Variants in DLG2 observed in about 807,000 individuals in gnomAD.
DLG2 encodes the protein discs large MAGUK scaffold protein 2, also known as disks large homolog 2.
Under a neutral mutation model 132.5 loss-of-function variants are expected in DLG2, and 45 were observed. The observed-to-expected ratio is 0.34, with a 90% CI of 0.27 to 0.44. DLG2 has a LOEUF of 0.44. DLG2 is among the 20% of genes least tolerant of loss of function. The pLI, the probability that DLG2 is intolerant of heterozygous loss-of-function variation, is 1.00. For synonymous variants in DLG2, 424 were observed against 419.6 expected (o/e 1.01, Z -0.13); for missense variants, 1,045 against 1,196.9 (o/e 0.87, Z 1.87).
At chr11:84,786,013 C>A (rs1326913262) in intron 6 of DLG2, among the ~76,000 whole-genome samples, 1 of 152,020 alleles carries the variant, frequency 6.6e-6, no homozygotes, top group Admixed American at 6.6e-5. Context: ...TATTTGGAAA[C>A]CACACTGGAA....
chr11:84,277,543 T>C (rs948054976), intron 7 of DLG2, among the ~76,000 whole-genome samples: 1 of 152,266 alleles, frequency 6.6e-6, no homozygotes, highest in African/African-American at 2.4e-5. Context: ...AACTACAATA[T>C]ATTGAATTTG....
intron 8 of DLG2, among the ~76,000 whole-genome samples, chr11:84,165,574 G>A (rs1284723601): frequency 6.6e-6 from 1 of 152,102 alleles, no homozygotes; most frequent in Non-Finnish European, 1.5e-5. Context: ...CAGGAGAGAT[G>A]ATGCCATCAA....
chr11:84,411,948 A>C (rs55997694), intron 7 of DLG2, among the ~76,000 whole-genome samples: 3 of 151,074 alleles, frequency 2.0e-5, no homozygotes, highest in Admixed American at 6.6e-5. Flanking sequence ...GATTGTGCCA[A>C]ATACTATGTA....
chr11:85,055,486 G>A (rs989973649), intron 6 of DLG2, among the ~76,000 whole-genome samples: 2 of 152,174 alleles, frequency 1.3e-5, no homozygotes, highest in Non-Finnish European at 2.9e-5. Flanking sequence ...TTAGAAGCTA[G>A]TGCTAAGCAA....
chr11:83,815,136 C>G (rs1283884559), intron 17 of DLG2: 1 of 154,138 alleles, frequency 6.5e-6, no homozygotes, highest in Non-Finnish European at 1.5e-5. Flanking sequence ...AAGTGTTTCA[C>G]CTTTTTCCTG....
chr11:84,385,759 T>C (rs896634491), intron 7 of DLG2, among the ~76,000 whole-genome samples: 10 of 152,194 alleles, frequency 6.6e-5, no homozygotes, highest in African/African-American at 2.4e-4. Flanking sequence ...TTGAGTCCAA[T>C]GGGAGCCTAC....
intron 2 of DLG2, among the ~76,000 whole-genome samples, chr11:85,609,685 G>C (rs2153267330): frequency 6.6e-6 from 1 of 152,282 alleles, no homozygotes; most frequent in Middle Eastern, 3.4e-3. Flanking sequence ...ACAGGACTGA[G>C]GGTGCCTGGG....
intron 3 of DLG2, among the ~76,000 whole-genome samples, chr11:85,440,614 A>C (rs912637937): frequency 2.6e-5 from 4 of 152,216 alleles, no homozygotes; most frequent in African/African-American, 9.6e-5. Flanking sequence ...TGTTTTTGAA[A>C]ATTCATTCCT....
intron 3 of DLG2, among the ~76,000 whole-genome samples, chr11:85,458,526 G>A (rs558997499): frequency 3.8e-4 from 58 of 152,216 alleles, no homozygotes; most frequent in African/African-American, 1.4e-3. Flanking sequence ...CAGAGTTCTC[G>A]CACTGGTTCT....
At chr11:85,144,369 A>G (rs562006157) in intron 5 of DLG2, among the ~76,000 whole-genome samples, 25 of 137,612 alleles carry the variant, frequency 1.8e-4, no homozygotes, top group Middle Eastern at 3.9e-3. Flanking sequence ...TTTTTTTATC[A>G]GTTTAGCCAC....
At chr11:84,067,325 C>T (rs974973218) in intron 10 of DLG2, among the ~76,000 whole-genome samples, 1 of 152,144 alleles carries the variant, frequency 6.6e-6, no homozygotes, top group Admixed American at 6.6e-5. Flanking sequence ...CAGAGCGAGA[C>T]ACCATCTCCA....
chr11:83,928,759 C>G (rs2079517579), intron 15 of DLG2, among the ~76,000 whole-genome samples: 1 of 152,208 alleles, frequency 6.6e-6, no homozygotes, highest in South Asian at 2.1e-4. Context: ...ATAATAACAT[C>G]TACCTCAAAA....
intron 6 of DLG2, among the ~76,000 whole-genome samples, chr11:84,903,941 C>A (rs537345115): frequency 6.6e-6 from 1 of 151,918 alleles, no homozygotes; most frequent in South Asian, 2.1e-4. Context: ...CCAGTTTTTT[C>A]AATAACATGA....
At chr11:85,583,958 T>G (rs899001582) in intron 3 of DLG2, among the ~76,000 whole-genome samples, 6 of 152,236 alleles carry the variant, frequency 3.9e-5, no homozygotes, top group African/African-American at 1.2e-4. Flanking sequence ...AACCCCTGGT[T>G]AATTGGGAAA....
chr11:84,711,591 C>T (rs977858510), intron 6 of DLG2, among the ~76,000 whole-genome samples: 3 of 151,816 alleles, frequency 2.0e-5, no homozygotes, highest in Non-Finnish European at 4.4e-5. Flanking sequence ...CCAGCAGGCT[C>T]AAAACCCAAA....
chr11:84,029,999 T>C (rs2095648644), intron 11 of DLG2, among the ~76,000 whole-genome samples: 2 of 152,270 alleles, frequency 1.3e-5, no homozygotes, highest in East Asian at 1.9e-4. Context: ...TACACATACA[T>C]ACACATATAT....
chr11:84,755,637 A>G (rs994208699), intron 6 of DLG2, among the ~76,000 whole-genome samples: 3 of 152,146 alleles, frequency 2.0e-5, no homozygotes, highest in African/African-American at 7.2e-5. Context: ...GTTAGCCAGG[A>G]TGGACTCAAT....
intron 21 of DLG2, 43 bp downstream of exon 21, chr11:83,532,664 AT>A: frequency 1.3e-6 from 2 of 1,562,670 alleles, no homozygotes; most frequent in Non-Finnish European, 1.8e-6. Context: ...AGTTAAATCC[AT>A]GGCAACTGAG....
At chr11:84,668,762 G>A (rs1391398526) in intron 6 of DLG2, among the ~76,000 whole-genome samples, 1 of 151,974 alleles carries the variant, frequency 6.6e-6, no homozygotes, top group Non-Finnish European at 1.5e-5. Context: ...CTTTCCTTCT[G>A]CATTTCCACA....
Sources: gnomAD v4.1 joint callset for allele counts (sites outside exome capture counted in the v4.1 genomes callset) on GRCh38, gnomAD v4.1.1 for gene constraint, MANE v1.5 for transcripts, NCBI Gene and HGNC (gene_info 2026-07-23, HGNC 2026-07-21) for gene names.